AFF2: variants seen among roughly 807,000 people sequenced by gnomAD.
AFF2 encodes the protein ALF transcription elongation factor 2.
Under a neutral mutation model 76.9 loss-of-function variants are expected in AFF2, and 14 were observed. The observed-to-expected ratio is 0.18, with a 90% confidence interval of 0.12 to 0.28. The LOEUF (loss-of-function observed/expected upper bound fraction) is 0.28, where lower values mean the gene tolerates loss of function less well. Among genes scored for constraint, AFF2 ranks in the 10% least tolerant of loss-of-function variants. AFF2 has a pLI of 1.00. For synonymous variants in AFF2, 398 were observed against 366.7 expected (o/e 1.09, Z -0.98); for missense variants, 868 against 1,001.1 (o/e 0.87, Z 1.79).
chrX:148,644,617 C>T (rs1224297812), intron 1 of AFF2, among the ~76,000 whole-genome samples: 1 of 112,157 alleles, frequency 8.9e-6, no homozygotes, highest in Non-Finnish European at 1.9e-5. Flanking sequence ...CTTCAAGGCA[C>T]TTTTCCCAAC....
intron 9 of AFF2, among the ~76,000 whole-genome samples, chrX:148,947,221 A>G (rs782395064): frequency 3.1e-4 from 35 of 112,510 alleles, no homozygotes; most frequent in Admixed American, 6.6e-4. Flanking sequence ...AAGTTATATC[A>G]GGGTGTGGCC....
rs368363758 is a variant in AFF2 at position 148,710,083 on chromosome X, G to C, written c.1041+47315G>C. 2.7e-5 allele frequency among the ~76,000 whole-genome samples: 3 copies of C among 111,793 alleles called. No homozygotes were observed. In the South Asian group the frequency reaches 1.1e-3, roughly 42 times the overall value. ...AAAAATCCCTTACTCAACAGATTCG[G>C]AAATGGAGACCCTGTTAAATAAAGT... On this transcript the variant is annotated intron_variant, in intron 3 of 20. Coordinates refer to ENST00000370460, the MANE Select transcript of AFF2 (RefSeq NM_002025.4).
At chrX:148,744,701 A>G (rs781803702) in intron 3 of AFF2, among the ~76,000 whole-genome samples, 1 of 112,184 alleles carries the variant, frequency 8.9e-6, no homozygotes, top group African/African-American at 3.2e-5. Flanking sequence ...CCAGCGATCT[A>G]AGAGCCTTCT....
chrX:148,608,163 G>A (rs1262459493), intron 1 of AFF2, among the ~76,000 whole-genome samples: 1 of 111,615 alleles, frequency 9.0e-6, no homozygotes, highest in East Asian at 2.8e-4. Context: ...CCATGGTCTG[G>A]TATTGGATTA....
At chrX:148,778,343 G>T (rs1486246839) in intron 3 of AFF2, among the ~76,000 whole-genome samples, 2 of 111,433 alleles carry the variant, frequency 1.8e-5, no homozygotes, top group Non-Finnish European at 3.8e-5. Context: ...CCAGGTTTTT[G>T]AATCAGGATG....
chrX:148,614,364 A>T (rs2053763203), intron 1 of AFF2, among the ~76,000 whole-genome samples: 1 of 111,893 alleles, frequency 8.9e-6, no homozygotes, highest in Admixed American at 9.5e-5. Flanking sequence ...CCATTTATGA[A>T]TCTAATGCTA....
At chrX:148,747,089 C>G (rs1557266126) in intron 3 of AFF2, among the ~76,000 whole-genome samples, 1 of 111,852 alleles carries the variant, frequency 8.9e-6, no homozygotes, top group Non-Finnish European at 1.9e-5. Context: ...TCCTGACTCA[C>G]ACACCCAGAG....
intron 1 of AFF2, among the ~76,000 whole-genome samples, chrX:148,648,591 GA>G (rs1262710013): frequency 1.1e-5 from 1 of 89,429 alleles, no homozygotes; most frequent in Admixed American, 1.2e-4. Context: ...AAAAAGAAAA[GA>G]AAAAAAATCC....
At chrX:148,891,595 A>C (rs181809245) in intron 8 of AFF2, among the ~76,000 whole-genome samples, 1 of 112,090 alleles carries the variant, frequency 8.9e-6, no homozygotes, top group Non-Finnish European at 1.9e-5. Context: ...AGCTCCCTCC[A>C]GCACATGTTC....
chrX:148,876,937 C>T (rs1298853810), intron 7 of AFF2, among the ~76,000 whole-genome samples: 1 of 111,660 alleles, frequency 9.0e-6, no homozygotes, highest in Non-Finnish European at 1.9e-5. Context: ...TTCCCATCAC[C>T]TCCCAGGTTC....
chrX:148,590,371 T>C (rs2124371128), intron 1 of AFF2, among the ~76,000 whole-genome samples: 1 of 111,619 alleles, frequency 9.0e-6, no homozygotes, highest in Admixed American at 9.5e-5. Context: ...TTTTCCTTCC[T>C]AGTGAGCGGG....
chrX:148,640,230 A>G (rs1257969050), intron 1 of AFF2, among the ~76,000 whole-genome samples: 1 of 112,829 alleles, frequency 8.9e-6, no homozygotes, highest in Non-Finnish European at 1.9e-5. Flanking sequence ...AAACATTTAA[A>G]TAAAACAGAA....
chrX:148,953,814 G>GAC (rs879970205), intron 10 of AFF2, 75 bp downstream of exon 10: 1,738 of 613,813 alleles, frequency 2.8e-3, no homozygotes, highest in East Asian at 5.1e-3. Context: ...CACACACACA[G>GAC]ACACACACAC....
chrX:148,929,557 T>G (rs947467288), intron 9 of AFF2, among the ~76,000 whole-genome samples: 2 of 112,002 alleles, frequency 1.8e-5, no homozygotes, highest in East Asian at 5.6e-4. Context: ...ATTAGACCGG[T>G]GTTCTTGTCA....
At chrX:148,962,130 A>C (rs1448414301) in intron 12 of AFF2, among the ~76,000 whole-genome samples, 1 of 113,037 alleles carries the variant, frequency 8.8e-6, no homozygotes, top group Non-Finnish European at 1.9e-5. Flanking sequence ...ATTTAAGGTC[A>C]GAGGCTCATT....
At chrX:148,788,704 C>A (rs899287360) in intron 3 of AFF2, among the ~76,000 whole-genome samples, 7 of 112,217 alleles carry the variant, frequency 6.2e-5, no homozygotes, top group Non-Finnish European at 1.1e-4. Context: ...CCCATCAGTT[C>A]CTGCAGTCTG....
chrX:148,708,668 C>T (rs374673515), intron 3 of AFF2, among the ~76,000 whole-genome samples: 29 of 111,738 alleles, frequency 2.6e-4, no homozygotes, highest in Admixed American at 1.1e-3. Context: ...GAGCCAAGAT[C>T]GCGCCACCGC....
intron 4 of AFF2, among the ~76,000 whole-genome samples, chrX:148,829,266 C>A (rs147042617): frequency 8.9e-6 from 1 of 112,297 alleles, no homozygotes; most frequent in African/African-American, 3.2e-5. Context: ...TACACTTCCT[C>A]TCTATGAGCA....
intron 19 of AFF2, among the ~76,000 whole-genome samples, chrX:148,983,818 C>A (rs782416799): frequency 1.6e-3 from 171 of 108,913 alleles, no homozygotes; most frequent in Non-Finnish European, 2.9e-3. Context: ...CTTCTACCTT[C>A]CAGAGCGCTT....
Sources: gnomAD v4.1 joint callset for allele counts (sites outside exome capture counted in the v4.1 genomes callset) on GRCh38, gnomAD v4.1.1 for gene constraint, MANE v1.5 for transcripts, NCBI Gene and HGNC (gene_info 2026-07-23, HGNC 2026-07-21) for gene names.